Variants in PDSS2 observed in about 807,000 individuals in gnomAD.
The protein encoded by PDSS2 is all trans-polyprenyl-diphosphate synthase PDSS2.
Under a neutral mutation model 44.5 loss-of-function variants are expected in PDSS2, and 31 were observed. That is an observed-to-expected ratio of 0.70 (90% confidence interval 0.52 to 0.94). The LOEUF (loss-of-function observed/expected upper bound fraction) is 0.94, where lower values mean the gene tolerates loss of function less well. Among genes scored for constraint, PDSS2 ranks in the 40% least tolerant of loss-of-function variants. PDSS2 has a pLI of 0.00. For synonymous variants in PDSS2, 157 were observed against 180.3 expected (o/e 0.87, Z 1.03); for missense variants, 452 against 482.2 (o/e 0.94, Z 0.59).
At position 107,289,080 on chromosome 6, in the gene PDSS2, T is replaced by C. The variant is rs1006341491; in HGVS notation, c.432-14853A>G. Among the ~76,000 whole-genome samples the C allele has an allele frequency of 4.7e-4, 70 of 150,212 alleles. 1 individual carries two copies. The highest frequency in any genetic ancestry group is 3.5e-3 in the Middle Eastern group (1 of 284). ...CCGCGCCTGGCCGAAATTGATATTT[T>C]AAGAAATGGAGGCCGGGCGTGGTGG... On this transcript the variant is annotated intron_variant, in intron 2 of 7. Coordinates refer to ENST00000369037, the MANE Select transcript of PDSS2 (RefSeq NM_020381.4).
At position 107,378,307 on chromosome 6, in the gene PDSS2, G is replaced by A. The variant is rs1779353076; in HGVS notation, c.297-43975C>T. On this transcript the variant is annotated intron_variant, in intron 1 of 7. Coordinates refer to ENST00000369037, the MANE Select transcript of PDSS2 (RefSeq NM_020381.4). ...AAAAGAAGACACACGGGCTGAAAAT[G>A]AAAAAATGAAGCTTTATATTTACAA... Among the ~76,000 whole-genome samples the A allele has an allele frequency of 2.0e-5, 3 of 149,968 alleles. No individual in the cohort carries two copies. The South Asian group carries it at 6.4e-4, about 32-fold the overall frequency.
chr6:107,375,810 T>A (rs897980484), intron 1 of PDSS2, among the ~76,000 whole-genome samples: 2 of 152,090 alleles, frequency 1.3e-5, no homozygotes, highest in Admixed American at 1.3e-4. Flanking sequence ...TATCCAGCAA[T>A]ATGTAAAAAG....
chr6:107,267,505 G>A (rs769682079), intron 3 of PDSS2, among the ~76,000 whole-genome samples: 15 of 151,906 alleles, frequency 9.9e-5, no homozygotes, highest in Non-Finnish European at 1.3e-4. Flanking sequence ...AGTGGGACCC[G>A]TCAAAGTATA....
chr6:107,306,856 T>C (rs1299101990), intron 2 of PDSS2, among the ~76,000 whole-genome samples: 1 of 152,216 alleles, frequency 6.6e-6, no homozygotes, highest in Admixed American at 6.5e-5. Context: ...AAAATGCCCC[T>C]TTCACCTCAG....
At chr6:107,241,738 T>C (rs1774442471) in intron 4 of PDSS2, among the ~76,000 whole-genome samples, 1 of 152,334 alleles carries the variant, frequency 6.6e-6, no homozygotes, top group African/African-American at 2.4e-5. Flanking sequence ...TAGTCACATA[T>C]ATGCTATTTA....
chr6:107,155,229 T>G (rs1770845396), intron 7 of PDSS2, among the ~76,000 whole-genome samples: 1 of 149,606 alleles, frequency 6.7e-6, no homozygotes, highest in Non-Finnish European at 1.5e-5. Flanking sequence ...CACTGCAACC[T>G]CCGCCTCCTG....
chr6:107,317,333 A>G (rs910045442), intron 2 of PDSS2, among the ~76,000 whole-genome samples: 1 of 152,204 alleles, frequency 6.6e-6, no homozygotes, highest in Non-Finnish European at 1.5e-5. Flanking sequence ...TGTGGAGGAA[A>G]CATGAGACAA....
intron 3 of PDSS2, among the ~76,000 whole-genome samples, chr6:107,266,622 C>T (rs1461102139): frequency 6.6e-6 from 1 of 152,102 alleles, no homozygotes; most frequent in African/African-American, 2.4e-5. Flanking sequence ...TGTGCAGAGA[C>T]CATGAAGTTA....
intron 4 of PDSS2, chr6:107,229,964 C>T (rs1214350601): frequency 4.7e-6 from 1 of 214,280 alleles, no homozygotes; most frequent in East Asian, 1.1e-4. Context: ...GGCAAGAAAA[C>T]TGGCTTTGGC....
At chr6:107,292,740 A>G (rs963938068) in intron 2 of PDSS2, among the ~76,000 whole-genome samples, 8 of 152,206 alleles carry the variant, frequency 5.3e-5, no homozygotes, top group African/African-American at 1.7e-4. Context: ...ACACATAATT[A>G]TCCTGCAGGT....
At position 107,162,063 on chromosome 6, in the gene PDSS2, T is replaced by C. The variant is rs575565709; in HGVS notation, c.1042-7286A>G. Among the ~76,000 whole-genome samples the C allele has an allele frequency of 5.9e-5, 9 of 152,306 alleles. No homozygotes were observed. The East Asian group carries it at 1.7e-3, about 29-fold the overall frequency. On this transcript the variant is annotated intron_variant, in intron 7 of 7. Coordinates refer to ENST00000369037, the MANE Select transcript of PDSS2 (RefSeq NM_020381.4). ...TTCTTGAAGATTTAATAATAGCCTG[T>C]GAGTCGTTAGGACTTGGTTTGGGCA... is the stretch of plus-strand genomic sequence containing the variant.
chr6:107,263,159 A>G (rs1775299986), intron 3 of PDSS2, among the ~76,000 whole-genome samples: 1 of 137,378 alleles, frequency 7.3e-6, no homozygotes, highest in Non-Finnish European at 1.7e-5. Flanking sequence ...TCTTTTTAAA[A>G]AGGGTGTCCT....
intron 1 of PDSS2, among the ~76,000 whole-genome samples, chr6:107,383,039 C>T (rs373915890): frequency 5.3e-5 from 8 of 151,942 alleles, no homozygotes; most frequent in South Asian, 2.1e-4. Context: ...CAGTGGCTCA[C>T]ATCTGTAATC....
At chr6:107,260,320 A>G (rs1326903257) in intron 3 of PDSS2, among the ~76,000 whole-genome samples, 6 of 152,122 alleles carry the variant, frequency 3.9e-5, no homozygotes, top group Non-Finnish European at 8.8e-5. Context: ...CTATAAACCA[A>G]CTTTGGCTTA....
chr6:107,312,898 A>G (rs1360928428), intron 2 of PDSS2, among the ~76,000 whole-genome samples: 1 of 152,202 alleles, frequency 6.6e-6, no homozygotes, highest in Non-Finnish European at 1.5e-5. Flanking sequence ...ATTGTCCCCA[A>G]TTTTATACAT....
intron 1 of PDSS2, among the ~76,000 whole-genome samples, chr6:107,361,328 T>C (rs2061835): frequency 0.38 from 57,257 of 152,052 alleles, 13,281 homozygotes; most frequent in Middle Eastern, 0.64. Flanking sequence ...AAGTACATAC[T>C]TCAGACATTT....
intron 1 of PDSS2, among the ~76,000 whole-genome samples, chr6:107,443,488 A>G (rs1781570285): frequency 6.6e-6 from 1 of 152,248 alleles, no homozygotes; most frequent in Non-Finnish European, 1.5e-5. Context: ...ATTGCTCTAT[A>G]TCCATTCAAT....
chr6:107,327,602 G>GTC (rs2115204386), intron 2 of PDSS2, among the ~76,000 whole-genome samples: 2 of 152,140 alleles, frequency 1.3e-5, no homozygotes, highest in South Asian at 4.2e-4. Context: ...GATTACAGGC[G>GTC]CCCACCATCA....
intron 1 of PDSS2, among the ~76,000 whole-genome samples, chr6:107,343,462 C>T (rs117995800): frequency 5.9e-5 from 9 of 152,156 alleles, no homozygotes; most frequent in Non-Finnish European, 1.2e-4. Context: ...TTTTAAGTTA[C>T]AGTATATGAT....
Sources: allele counts gnomAD v4.1 joint callset (sites outside exome capture counted in the v4.1 genomes callset), GRCh38; gene constraint gnomAD v4.1.1; transcripts MANE v1.5; gene names NCBI Gene and HGNC (gene_info 2026-07-23, HGNC 2026-07-21).